TNR: variants seen among roughly 807,000 people sequenced by gnomAD.
The protein encoded by TNR is tenascin R.
Under a neutral mutation model 150.4 loss-of-function variants are expected in TNR, and 45 were observed. The ratio of observed to expected loss-of-function variants is 0.30; its 90% CI spans 0.24 to 0.38. The LOEUF is 0.38. Ranked by LOEUF, TNR falls within the 10% of genes least tolerant of loss-of-function variation. The pLI, the probability that TNR is intolerant of heterozygous loss-of-function variation, is 1.00. For missense variants in TNR, 1,544 were observed against 1,759.1 expected (o/e 0.88, Z 2.19); for synonymous variants, 687 against 678.4 (o/e 1.01, Z -0.20).
intron 1 of TNR, among the ~76,000 whole-genome samples, chr1:175,619,099 C>G (rs1221141642): frequency 2.0e-5 from 3 of 152,148 alleles, no homozygotes; most frequent in Non-Finnish European, 4.4e-5. Flanking sequence ...AGGAGGGTCT[C>G]CATTAGTGAC....
chr1:175,607,692 A>G (rs6692370), intron 1 of TNR, among the ~76,000 whole-genome samples: 101,263 of 152,116 alleles, frequency 0.67, 35,727 homozygotes, highest in African/African-American at 0.92. Context: ...AACGTGAAGA[A>G]CAGTACGCCA....
At chr1:175,623,123 T>A in intron 1 of TNR, among the ~76,000 whole-genome samples, 1 of 152,238 alleles carries the variant, frequency 6.6e-6, no homozygotes, top group Non-Finnish European at 1.5e-5. Flanking sequence ...TTGTCTCTCA[T>A]GGGATCCGAA....
chr1:175,411,146 C>G (rs562852513), intron 2 of TNR, among the ~76,000 whole-genome samples: 1 of 152,252 alleles, frequency 6.6e-6, no homozygotes, highest in South Asian at 2.1e-4. Flanking sequence ...TACAAGGAAA[C>G]AGATTTTAGC....
intron 1 of TNR, among the ~76,000 whole-genome samples, chr1:175,553,091 T>C (rs1661008217): frequency 1.3e-5 from 2 of 152,216 alleles, no homozygotes; most frequent in Admixed American, 6.5e-5. Context: ...AATACATCAC[T>C]GAAGATAGAT....
chr1:175,640,160 G>A (rs1664610022), intron 1 of TNR, among the ~76,000 whole-genome samples: 1 of 152,172 alleles, frequency 6.6e-6, no homozygotes, highest in Non-Finnish European at 1.5e-5. Context: ...TTTTTTAAGG[G>A]AGAGCCTGAA....
intron 2 of TNR, among the ~76,000 whole-genome samples, chr1:175,523,419 C>T (rs528982567): frequency 2.1e-4 from 32 of 152,252 alleles, no homozygotes; most frequent in Non-Finnish European, 8.8e-5. Context: ...ACCTTTTCTT[C>T]GGCTCTTATT....
chr1:175,374,713 T>C (rs909022516), intron 9 of TNR, among the ~76,000 whole-genome samples: 2 of 152,212 alleles, frequency 1.3e-5, no homozygotes, highest in Non-Finnish European at 2.9e-5. Context: ...GAGATAGTCC[T>C]GGTGCAGGGA....
intron 1 of TNR, among the ~76,000 whole-genome samples, chr1:175,620,220 G>C (rs1663925091): frequency 1.3e-5 from 2 of 152,168 alleles, no homozygotes; most frequent in African/African-American, 4.8e-5. Context: ...GATAGACAAA[G>C]TGCTTAGTGA....
chr1:175,642,215 A>T (rs946206434), intron 1 of TNR, among the ~76,000 whole-genome samples: 1 of 152,140 alleles, frequency 6.6e-6, no homozygotes, highest in Non-Finnish European at 1.5e-5. Context: ...AGGGATAACC[A>T]GAGTATGTGA....
intron 2 of TNR, among the ~76,000 whole-genome samples, chr1:175,433,934 G>A (rs991364894): frequency 6.6e-6 from 1 of 152,160 alleles, no homozygotes; most frequent in East Asian, 1.9e-4. Flanking sequence ...CAGAGGGGAG[G>A]TGACTACTTT....
chr1:175,547,901 C>T (rs751655383), intron 1 of TNR, among the ~76,000 whole-genome samples: 4 of 152,112 alleles, frequency 2.6e-5, no homozygotes, highest in Non-Finnish European at 5.9e-5. Context: ...AATTTGGCCT[C>T]GGACTTGGCT....
At chr1:175,405,274 G>A (rs1278465551) in intron 3 of TNR, among the ~76,000 whole-genome samples, 1 of 152,212 alleles carries the variant, frequency 6.6e-6, no homozygotes, top group Non-Finnish European at 1.5e-5. Flanking sequence ...AAGCCAGGCT[G>A]ACATCTGAAT....
At chr1:175,662,287 A>C (rs1406803445) in intron 1 of TNR, among the ~76,000 whole-genome samples, 1 of 152,074 alleles carries the variant, frequency 6.6e-6, no homozygotes, top group African/African-American at 2.4e-5. Context: ...TTCCTCCTGT[A>C]GGGTCTCCCC....
chr1:175,587,397 G>A (rs1662616335), intron 1 of TNR, among the ~76,000 whole-genome samples: 1 of 152,174 alleles, frequency 6.6e-6, no homozygotes, highest in South Asian at 2.1e-4. Flanking sequence ...TAATCCTTTT[G>A]AGCTTCAGTT....
chr1:175,606,290 G>A (rs928434960), intron 1 of TNR, among the ~76,000 whole-genome samples: 1 of 152,128 alleles, frequency 6.6e-6, no homozygotes, highest in Non-Finnish European at 1.5e-5. Context: ...AGGGCTCAGT[G>A]GGCTGGCTGG....
At chr1:175,551,869 G>A (rs191652640) in intron 1 of TNR, among the ~76,000 whole-genome samples, 140 of 152,310 alleles carry the variant, frequency 9.2e-4, no homozygotes, top group African/African-American at 3.3e-3. Flanking sequence ...CAACGTGTGT[G>A]CACCTGTGTG....
rs75061921 is a variant in TNR, at chr1:175,383,741, C to T, written c.1777+2291G>A. Among the ~76,000 whole-genome samples, 932 of 152,318 alleles carry T rather than the reference C, an allele frequency of 6.1e-3. 8 individuals carry two copies. The highest frequency in any genetic ancestry group is 0.021 in the African/African-American group (876 of 41,570). On this transcript the variant is annotated intron_variant, in intron 8 of 22. Transcript: ENST00000367674. ...GGAGCTCTGAAATGACTGAGGGCCT[C>T]ATCATGAGGGTCTGGGTACCCTCTC...
intron 1 of TNR, among the ~76,000 whole-genome samples, chr1:175,628,539 A>G (rs1201489656): frequency 5.3e-5 from 8 of 151,896 alleles, no homozygotes; most frequent in Non-Finnish European, 5.9e-5. Context: ...AAAAAAAAAG[A>G]ATGGCACCTT....
chr1:175,633,341 A>C (rs1019992273), intron 1 of TNR, among the ~76,000 whole-genome samples: 10 of 152,186 alleles, frequency 6.6e-5, no homozygotes, highest in African/African-American at 2.4e-4. Flanking sequence ...CGCAGAACTG[A>C]GGTATGGCTG....
Sources: gnomAD v4.1 joint callset for allele counts (sites outside exome capture counted in the v4.1 genomes callset) on GRCh38, gnomAD v4.1.1 for gene constraint, MANE v1.5 for transcripts, NCBI Gene and HGNC (gene_info 2026-07-23, HGNC 2026-07-21) for gene names.